COL12A1: variants seen among roughly 807,000 people sequenced by gnomAD.
COL12A1 encodes the protein collagen type XII alpha 1 chain, also known as collagen alpha-1(XII) chain.
COL12A1 carries 114 observed loss-of-function variants against 349.7 expected under a neutral mutation model. The observed-to-expected ratio is 0.33, with a 90% confidence interval of 0.28 to 0.38. The LOEUF is 0.38. Among genes scored for constraint, COL12A1 ranks in the 10% least tolerant of loss-of-function variants. The pLI is 1.00. For synonymous variants in COL12A1, 1,369 were observed against 1,329.0 expected (o/e 1.03, Z -0.66); for missense variants, 3,284 against 3,756.9 (o/e 0.87, Z 3.29).
chr6:75,199,600 T>C (rs975288255), intron 2 of COL12A1, among the ~76,000 whole-genome samples: 9 of 152,320 alleles, frequency 5.9e-5, no homozygotes, highest in Admixed American at 2.0e-4. Flanking sequence ...TTAATCTTTA[T>C]ATGCAAAGTG....
At chr6:75,105,163 G>T (rs748742743) in intron 54 of COL12A1, 43 bp downstream of exon 54, 24 of 1,518,794 alleles carry the variant, frequency 1.6e-5, no homozygotes, top group Admixed American at 3.5e-5. Flanking sequence ...TCACTCTAAA[G>T]ATTTCAAAGG....
intron 57 of COL12A1, 76 bp from the exon 58 acceptor site, chr6:75,101,729 A>AT: frequency 6.5e-7 from 1 of 1,544,564 alleles, no homozygotes; most frequent in Non-Finnish European, 8.8e-7. Context: ...TTATTTTCCA[A>AT]ATTTTTTTTT....
At chr6:75,154,265 G>T in intron 17 of COL12A1, 151 bp downstream of exon 17, 2 of 835,252 alleles carry the variant, frequency 2.4e-6, no homozygotes, top group Non-Finnish European at 3.4e-6. Flanking sequence ...CTGGATGTTT[G>T]AAGAATTTTT....
At chr6:75,088,505 GGGAA>G (rs1324389871) in intron 64 of COL12A1, among the ~76,000 whole-genome samples, 1 of 150,422 alleles carries the variant, frequency 6.6e-6, no homozygotes, top group East Asian at 2.0e-4. Flanking sequence ...GGAAGGAAAA[GGGAA>G]GGAAGGAAGG....
chr6:75,094,969 C>G (rs1767936709), intron 60 of COL12A1, 139 bp downstream of exon 60: 1 of 718,848 alleles, frequency 1.4e-6, no homozygotes, highest in East Asian at 3.0e-5. Context: ...AAGTCAAATC[C>G]ATGAGTTTAG....
intron 11 of COL12A1, among the ~76,000 whole-genome samples, chr6:75,178,501 T>G (rs1045441206): frequency 6.6e-6 from 1 of 152,146 alleles, no homozygotes; most frequent in Non-Finnish European, 1.5e-5. Flanking sequence ...TGAATGCTCA[T>G]TAGATCTACA....
At chr6:75,198,798 A>C (rs1467646026) in intron 2 of COL12A1, among the ~76,000 whole-genome samples, 1 of 152,158 alleles carries the variant, frequency 6.6e-6, no homozygotes, top group South Asian at 2.1e-4. Context: ...TGCGCTATAG[A>C]TATATCAAAA....
rs1034481598 is a variant in COL12A1 at position 75,189,596 on chromosome 6, G to C, written c.614C>G (p.Ala205Gly). The change falls in exon 6 of 66, where the codon GCT becomes GGT. Residue 205 changes from alanine to glycine, a missense_variant. By Grantham distance (60) the Ala-to-Gly change is moderately conservative (BLOSUM62 0). Coordinates refer to ENST00000322507, the MANE Select transcript of COL12A1 (RefSeq NM_004370.6). ...TTTATATGGAATTTTTTTTATTGCA[G>C]CAAGAAGTTCATCCCTTTGGTAGTA... is the stretch of plus-strand genomic sequence containing the variant. The part of the protein sequence containing the change: ...NQYYQRDELL[A>G]AIKKIPYKGG... The C allele has an allele frequency of 2.5e-6, 4 of 1,612,970 alleles. No individual in the cohort carries two copies. Among genetic ancestry groups the C allele is most frequent in the Middle Eastern group, 3.3e-4 (2 of 6,054 alleles).
chr6:75,101,798 A>G lies in COL12A1; in HGVS notation c.8470-145T>C, dbSNP rs548484195. On this transcript the variant is annotated intron_variant, in intron 57 of 65. Transcript: ENST00000322507. ...CAGAGCCAAGCACATTGCCAAGCAT[A>G]CAGTAGATGCTCAGTCAACAAGCAG... The G allele has an allele frequency of 1.4e-5, 14 of 997,614 alleles. No individual in the cohort carries two copies. In the East Asian group the frequency reaches 3.4e-4, roughly 24 times the overall value. The allele number at this position is 997,614 out of a possible 1,614,324, so 61.8% of individuals were successfully genotyped here.
intron 55 of COL12A1, among the ~76,000 whole-genome samples, chr6:75,103,069 G>A (rs1768378905): frequency 6.6e-6 from 1 of 151,886 alleles, no homozygotes; most frequent in South Asian, 2.1e-4. Flanking sequence ...GCTTATTTCT[G>A]GGACTAAAGG....
rs147983455 is a variant in COL12A1, at chr6:75,163,413, C to T, written c.2983+2094G>A. Among the ~76,000 whole-genome samples, 752 of 152,178 alleles carry T rather than the reference C, an allele frequency of 4.9e-3. 3 individuals carry two copies. Among genetic ancestry groups the T allele is most frequent in the African/African-American group, 0.017 (722 of 41,518 alleles). On this transcript the variant is annotated intron_variant, in intron 14 of 65. Coordinates refer to ENST00000322507, the MANE Select transcript of COL12A1 (RefSeq NM_004370.6). ...CATTCTCAGCATACTAATGCAAGAA[C>T]AGAAAACCAAACACCATATGTTCTC... is the stretch of plus-strand genomic sequence containing the variant.
Position 75,175,282 on chromosome 6 carries a change from A to T in COL12A1, c.2466T>A (p.Val822=). 1 of 1,614,208 alleles carries T rather than the reference A, an allele frequency of 6.2e-7. No homozygotes were observed. The change falls in exon 13 of 66, where the codon GTT becomes GTA. Residue 822 remains valine, a synonymous_variant. Coordinates refer to ENST00000322507, the MANE Select transcript of COL12A1 (RefSeq NM_004370.6). The stretch of plus-strand genomic sequence containing the variant: ...TCATAGTAGACGTCGTAGGGTCAGA[A>T]ACTCTTAAGTCTCTTGGATTCCCTC... ...EVRGNPRDLR[V]SDPTTSTMKL...
chr6:75,096,441 A>G (rs1441041314), intron 59 of COL12A1, among the ~76,000 whole-genome samples: 1 of 152,222 alleles, frequency 6.6e-6, no homozygotes, highest in Non-Finnish European at 1.5e-5. Context: ...GGATGCAAGT[A>G]TACAGATGCC....
At chr6:75,154,580 C>A in intron 16 of COL12A1, 43 bp from the exon 17 acceptor site, 1 of 1,537,778 alleles carries the variant, frequency 6.5e-7, no homozygotes, top group Admixed American at 2.1e-5. Flanking sequence ...GAACCATAGG[C>A]TCAAGTGGTA....
chr6:75,152,540 C>T, intron 17 of COL12A1, 58 bp from the exon 18 acceptor site: 3 of 1,586,170 alleles, frequency 1.9e-6, no homozygotes, highest in Non-Finnish European at 2.6e-6. Flanking sequence ...AAGGGTACTT[C>T]CTTGTCACAC....
At chr6:75,129,106 C>T (rs184669083) in intron 37 of COL12A1, among the ~76,000 whole-genome samples, 21 of 152,246 alleles carry the variant, frequency 1.4e-4, no homozygotes, top group East Asian at 5.8e-4. Context: ...TTAATGTTTT[C>T]GGAAAGTAAA....
intron 49 of COL12A1, 121 bp from the exon 50 acceptor site, chr6:75,113,865 A>T: frequency 1.3e-6 from 1 of 745,434 alleles, no homozygotes; most frequent in Non-Finnish European, 2.0e-6. Context: ...CCAGAATCTC[A>T]TATGGGTAGT....
rs1056402802 is a variant in COL12A1 at position 75,154,345 on chromosome 6, T to C, written c.3565+71A>G. ...TGTATCATTGTTTTCCATTGTATGA[T>C]ACCCTAACAGTTCACATTTGAAATA... On this transcript the variant is annotated intron_variant, in intron 17 of 65. Transcript: ENST00000322507. 5 of 1,518,358 alleles carry C rather than the reference T, an allele frequency of 3.3e-6. No homozygotes were observed. In the African/African-American group the frequency reaches 7.0e-5, roughly 21 times the overall value. The allele number at this position is 1,518,358 out of a possible 1,614,324, so 94.1% of individuals were successfully genotyped here.
chr6:75,136,664 G>A (rs1442143412), intron 31 of COL12A1, among the ~76,000 whole-genome samples: 2 of 152,124 alleles, frequency 1.3e-5, no homozygotes, highest in Admixed American at 6.6e-5. Context: ...ACCAAAACTG[G>A]AGATTTATTT....
Sources: allele counts gnomAD v4.1 joint callset (sites outside exome capture counted in the v4.1 genomes callset), GRCh38; gene constraint gnomAD v4.1.1; transcripts MANE v1.5; gene names NCBI Gene and HGNC (gene_info 2026-07-23, HGNC 2026-07-21).